The following C1QL3 variants were observed in gnomAD, a reference collection of about 807,000 sequenced individuals.
C1QL3 encodes complement C1q like 3, also known as complement C1q-like protein 3.
Under a neutral mutation model 16.6 loss-of-function variants are expected in C1QL3, and 4 were observed. The ratio of observed to expected loss-of-function variants is 0.24; its 90% CI spans 0.12 to 0.55. The LOEUF (loss-of-function observed/expected upper bound fraction) is 0.55, where lower values mean the gene tolerates loss of function less well. C1QL3 is among the 20% of genes least tolerant of loss of function. The pLI is 0.94. For synonymous variants in C1QL3, 189 were observed against 160.2 expected, an observed-to-expected ratio of 1.18 and a Z score of -1.36; for missense variants, 269 against 365.6, an observed-to-expected ratio of 0.74 and a Z score of 2.16.
At position 16,520,469 on chromosome 10, in the gene C1QL3, C is replaced by CCGG; in HGVS notation, c.588+8_588+9insCCG. On this transcript the variant is annotated intron_variant, in intron 1 of 1. Transcript: ENST00000298943. This position sits in a 1 kb window ranked among gnomAD's most constrained non-coding sequence, Gnocchi z 8.3. ...CTCCCCGCCCTCCCCGCCGCCCGCC[C>CCGG]GCGCTCACCTGGTTGTTTTTGCAGA... 6.5e-7 allele frequency: 1 copy of CCGG among 1,544,864 alleles called. No individual in the cohort carries two copies. The highest frequency in any genetic ancestry group is 8.8e-7 in the Non-Finnish European group (1 of 1,140,182).
chr10:16,521,090 G>C lies in C1QL3; in HGVS notation c.-25C>G. ...TCACCACCCCCAGCGCCCCGGCGGC[G>C]ATCAGGCGCCTCCTGCTGCCCACCA... On this transcript the variant is annotated 5_prime_UTR_variant, in exon 1 of 2. It adds an upstream start codon to the 5' untranslated region. Transcript: ENST00000298943. 6.4e-7 allele frequency: 1 copy of C among 1,573,382 alleles called. No homozygotes were observed. The highest frequency in any genetic ancestry group is 8.6e-7 in the Non-Finnish European group (1 of 1,164,192).
Position 16,520,922 on chromosome 10 carries a change from G to T in C1QL3, c.144C>A (p.Asp48Glu). 6.4e-7 allele frequency: 1 copy of T among 1,563,296 alleles called. No homozygotes were observed. ...TGGGCAGGGACTGCATGAGGCCGCG[G>T]TCGGGCGTGGCAGCGGTGCTGGGCG... The part of the protein sequence containing the change: ...TKAPSTAATP[D>E]RGLMQSLPTF... The change falls in exon 1 of 2, where the codon GAC becomes GAA. Residue 48 changes from aspartate to glutamate, a missense_variant. Physicochemically the swap from Asp to Glu is conservative, Grantham distance 45. This residue lies in a region of C1QL3 where 246 missense variants were observed against 297.2 expected (regional missense o/e 0.83). Transcript: ENST00000298943. This position sits in a 1 kb window ranked among gnomAD's most constrained non-coding sequence, Gnocchi z 8.3.
chr10:16,518,193 T>G (rs950626748), intron 1 of C1QL3, among the ~76,000 whole-genome samples: 30 of 152,290 alleles, frequency 2.0e-4, no homozygotes, highest in African/African-American at 6.7e-4. Context: ...TAAAAAGATT[T>G]TAAAAGATTT....
intron 1 of C1QL3, among the ~76,000 whole-genome samples, chr10:16,517,534 A>G (rs902645830): frequency 2.0e-5 from 3 of 152,196 alleles, no homozygotes; most frequent in African/African-American, 7.2e-5. Flanking sequence ...TTTCTGCTAA[A>G]AGGATTATCA....
At chr10:16,515,475 C>G (rs967268135) in intron 1 of C1QL3, among the ~76,000 whole-genome samples, 2 of 152,104 alleles carry the variant, frequency 1.3e-5, no homozygotes, top group African/African-American at 4.8e-5. Context: ...TGCTCTGAGG[C>G]CTCTCAAGTT....
At chr10:16,515,508 G>A (rs925945993) in intron 1 of C1QL3, among the ~76,000 whole-genome samples, 8 of 152,104 alleles carry the variant, frequency 5.3e-5, no homozygotes, top group South Asian at 2.1e-4. Context: ...GAATGATTTC[G>A]TTGAATATCC....
Position 16,520,684 on chromosome 10 carries a change from C to A in C1QL3, c.382G>T (p.Ala128Ser), listed in dbSNP as rs757751589. 2 of 1,607,672 alleles carry A rather than the reference C, an allele frequency of 1.2e-6. No individual in the cohort carries two copies. Among genetic ancestry groups the A allele is most frequent in the East Asian group, 4.5e-5 (2 of 44,022 alleles). ...AATYSTVPKI[A>S]FYAGLKRQHE... ...TGCCGCTTGAGGCCGGCGTAGAAGG[C>A]GATCTTGGGCACCGTGCTGTAGGTG... The change falls in exon 1 of 2, where the codon GCC becomes TCC. Residue 128 changes from alanine (A) to serine (S), a missense_variant. Transcript: ENST00000298943. This position sits in a 1 kb window ranked among gnomAD's most constrained non-coding sequence, Gnocchi z 8.3.
At chr10:16,515,999 C>T (rs1443615454) in intron 1 of C1QL3, among the ~76,000 whole-genome samples, 1 of 151,952 alleles carries the variant, frequency 6.6e-6, no homozygotes, top group Non-Finnish European at 1.5e-5. Flanking sequence ...ATGAGTTTTC[C>T]AATTAAATTT....
chr10:16,518,935 C>A (rs954721184), intron 1 of C1QL3, among the ~76,000 whole-genome samples: 2 of 151,990 alleles, frequency 1.3e-5, no homozygotes, highest in African/African-American at 4.8e-5. Flanking sequence ...TTGCCTATAA[C>A]TGTTTTACTG....
rs1837029688 is a variant in C1QL3 at position 16,520,831 on chromosome 10, C to T, written c.235G>A (p.Gly79Arg). The T allele has an allele frequency of 7.2e-7, 1 of 1,385,634 alleles. No homozygotes were observed. The highest frequency in any genetic ancestry group is 9.3e-7 in the Non-Finnish European group (1 of 1,072,854). 85.8% of individuals were successfully genotyped at this position (1,385,634 alleles called of 1,614,324 possible). Residue 79 changes from glycine (G) to arginine (R), a missense_variant, in exon 1 of 2, where the codon GGA becomes AGA. Gly to Arg is a moderately radical substitution (Grantham distance 125). This residue lies in a region of C1QL3 where 246 missense variants were observed against 297.2 expected (regional missense o/e 0.83). Coordinates refer to ENST00000298943, the MANE Select transcript of C1QL3 (RefSeq NM_001010908.2). This position sits in a 1 kb window ranked among gnomAD's most constrained non-coding sequence, Gnocchi z 8.3. The stretch of plus-strand genomic sequence containing the variant: ...ATGGGGCCGGGTGGCCCGGGCTCTC[C>T]GGGGGGCCCGCGCGGACCCGCCTTC... ...PGKAGPRGPP[G>R]EPGPPGPMGP...
At position 16,520,372 on chromosome 10, in the gene C1QL3, C is replaced by T; in HGVS notation, c.588+106G>A. 1.1e-6 allele frequency: 1 copy of T among 890,776 alleles called. No individual in the cohort carries two copies. The highest frequency in any genetic ancestry group is 1.7e-6 in the Non-Finnish European group (1 of 602,328). 55.2% of individuals were successfully genotyped at this position (890,776 alleles called of 1,614,324 possible). A position where few individuals can be genotyped will look rare whatever the true frequency, so the allele number is the denominator to read the frequency against. ...GTCGCTCCAGGGAGCCCGGCCGCCG[C>T]GCCCTTCCTCCGCGGGCTCCCACCC... On this transcript the variant is annotated intron_variant, in intron 1 of 1. Coordinates refer to ENST00000298943, the MANE Select transcript of C1QL3 (RefSeq NM_001010908.2). This position sits in a 1 kb window ranked among gnomAD's most constrained non-coding sequence, Gnocchi z 8.3.
chr10:16,515,821 A>G (rs978638841), intron 1 of C1QL3, among the ~76,000 whole-genome samples: 1 of 152,160 alleles, frequency 6.6e-6, no homozygotes, highest in Non-Finnish European at 1.5e-5. Context: ...TTCCACTATA[A>G]TGATATTTCC....
Position 16,514,160 on chromosome 10 carries a change from C to T in C1QL3, c.*368G>A. On this transcript the variant is annotated 3_prime_UTR_variant, in exon 2 of 2. Transcript: ENST00000298943. ...GCAGGTAAACTCACAAGAACCAAAG[C>T]TGACATATGGATAAAAGCAGCAAGA... The T allele has an allele frequency of 2.5e-6, 1 of 398,992 alleles. No homozygotes were observed. Among genetic ancestry groups the T allele is most frequent in the Non-Finnish European group, 4.4e-6 (1 of 226,462 alleles). 24.7% of individuals were successfully genotyped at this position (398,992 alleles called of 1,614,324 possible).
Position 16,514,386 on chromosome 10 carries a change from G to A in C1QL3, c.*142C>T. On this transcript the variant is annotated 3_prime_UTR_variant, in exon 2 of 2. Transcript: ENST00000298943. Reference sequence around the variant, plus strand: ...TAATGTTTCTGAGTGATACAGATGTGAGTCAGGTAGCATTTGATTTCCCCA... The same window carrying A: ...TAATGTTTCTGAGTGATACAGATGTAAGTCAGGTAGCATTTGATTTCCCCA... 3 of 654,872 alleles carry A rather than the reference G, an allele frequency of 4.6e-6. No individual in the cohort carries two copies. The South Asian group carries it at 5.6e-5, about 12-fold the overall frequency. 40.6% of individuals were successfully genotyped at this position (654,872 alleles called of 1,614,324 possible).
Position 16,521,253 on chromosome 10 carries a change from C to A in C1QL3, c.-188G>T. ...GCGTGCGTGCGCCGGCCGCTGCTGC[C>A]GACTCCTGCTCCCCCCGCGGAGGCT... is the stretch of plus-strand genomic sequence containing the variant. On this transcript the variant is annotated 5_prime_UTR_variant, in exon 1 of 2. Transcript: ENST00000298943. 1 of 568,948 alleles carries A rather than the reference C, an allele frequency of 1.8e-6. No homozygotes were observed. Among genetic ancestry groups the A allele is most frequent in the Non-Finnish European group, 3.0e-6 (1 of 329,410 alleles). 35.2% of individuals were successfully genotyped at this position (568,948 alleles called of 1,614,324 possible). A position where few individuals can be genotyped will look rare whatever the true frequency, so the allele number is the denominator to read the frequency against.
At chr10:16,515,771 C>T (rs538493839) in intron 1 of C1QL3, among the ~76,000 whole-genome samples, 3 of 152,256 alleles carry the variant, frequency 2.0e-5, no homozygotes, top group Admixed American at 2.0e-4. Flanking sequence ...TGATTTATTT[C>T]AGTAAAACAT....
rs139605502 is a variant in C1QL3, at chr10:16,515,870, C to A, written c.589-1163G>T. On this transcript the variant is annotated intron_variant, in intron 1 of 1. Transcript: ENST00000298943. ...CAAGTGATTTAGTGGTTTTGTAAAC[C>A]TGCACTATGTAATAATGCATGATTT... Among the ~76,000 whole-genome samples, 1,256 of 152,120 alleles carry A rather than the reference C, an allele frequency of 8.3e-3. 11 individuals carry two copies. Among genetic ancestry groups the A allele is most frequent in the Non-Finnish European group, 0.014 (949 of 67,972 alleles).
At chr10:16,518,619 A>C (rs934247482) in intron 1 of C1QL3, among the ~76,000 whole-genome samples, 2 of 152,218 alleles carry the variant, frequency 1.3e-5, no homozygotes, top group African/African-American at 2.4e-5. Flanking sequence ...TCAACATTTA[A>C]ACTAATTTAA....
Position 16,514,485 on chromosome 10 carries a change from T to C in C1QL3, c.*43A>G. ...GATTCACTGACGTTAGCCATACGAA[T>C]CCAGTGTTCAAACTCAGAATAATAA... On this transcript the variant is annotated 3_prime_UTR_variant, in exon 2 of 2. Coordinates refer to ENST00000298943, the MANE Select transcript of C1QL3 (RefSeq NM_001010908.2). 6.5e-7 allele frequency: 1 copy of C among 1,548,900 alleles called. No homozygotes were observed. Among genetic ancestry groups the C allele is most frequent in the Non-Finnish European group, 8.9e-7 (1 of 1,129,352 alleles).
Sources: allele counts gnomAD v4.1 joint callset (sites outside exome capture counted in the v4.1 genomes callset), GRCh38; gene constraint gnomAD v4.1.1; regional missense constraint gnomAD v4.1.1; non-coding constraint Gnocchi (gnomAD v3.1); transcripts MANE v1.5; gene names NCBI Gene and HGNC (gene_info 2026-07-23, HGNC 2026-07-21).